The following GALNT17 variants were observed in gnomAD, a reference collection of about 807,000 sequenced individuals.
GALNT17 encodes the protein polypeptide N-acetylgalactosaminyltransferase 17, also known as UDP-GalNAc:polypeptide N-acetylgalactosaminyltransferase-like 3.
GALNT17 carries 29 observed loss-of-function variants against 63.7 expected under a neutral mutation model. That is an observed-to-expected ratio of 0.46 (90% CI 0.34 to 0.62). The LOEUF is 0.62. Among genes scored for constraint, GALNT17 ranks in the 20% least tolerant of loss-of-function variants. The probability of loss-of-function intolerance (pLI) is 0.01; values close to 1 mark genes in which losing one functional copy is unlikely to be tolerated. For synonymous variants in GALNT17, 305 were observed against 318.3 expected (o/e 0.96, Z 0.45); for missense variants, 603 against 799.6 (o/e 0.75, Z 2.97).
chr7:71,648,809 C>G (rs1790716604), intron 6 of GALNT17, among the ~76,000 whole-genome samples: 3 of 152,248 alleles, frequency 2.0e-5, no homozygotes, highest in Admixed American at 2.0e-4. Context: ...GAGACCTAGC[C>G]TCAATTGTGG....
chr7:71,254,876 C>T (rs1302159870), intron 1 of GALNT17, among the ~76,000 whole-genome samples: 5 of 152,226 alleles, frequency 3.3e-5, no homozygotes, highest in African/African-American at 1.2e-4. Context: ...TTCACTGAAT[C>T]ACATCTTGTT....
At chr7:71,683,078 A>G (rs918360963) in intron 9 of GALNT17, among the ~76,000 whole-genome samples, 2 of 152,110 alleles carry the variant, frequency 1.3e-5, no homozygotes, top group East Asian at 1.9e-4. Context: ...AGCTCCTGCC[A>G]TGGAGCTGAT....
At chr7:71,348,863 C>T (rs1054016012) in intron 2 of GALNT17, among the ~76,000 whole-genome samples, 1 of 152,152 alleles carries the variant, frequency 6.6e-6, no homozygotes, top group Non-Finnish European at 1.5e-5. Context: ...ATTATCCTGT[C>T]TGCCTAGTCC....
At chr7:71,513,810 T>C (rs556332083) in intron 5 of GALNT17, among the ~76,000 whole-genome samples, 3 of 152,262 alleles carry the variant, frequency 2.0e-5, no homozygotes, top group Admixed American at 1.3e-4. Context: ...CCTGGGACTG[T>C]GGGTTCAATG....
intron 5 of GALNT17, among the ~76,000 whole-genome samples, chr7:71,509,007 C>T (rs951055172): frequency 1.3e-5 from 2 of 152,182 alleles, no homozygotes; most frequent in Non-Finnish European, 2.9e-5. Context: ...CTTCCAGCCA[C>T]TCCACCATAA....
intron 5 of GALNT17, among the ~76,000 whole-genome samples, chr7:71,570,252 T>G (rs966389488): frequency 2.0e-5 from 3 of 152,140 alleles, no homozygotes; most frequent in Non-Finnish European, 4.4e-5. Context: ...CGTGCTCTCT[T>G]TGTCTCTCCT....
At chr7:71,215,785 C>A (rs1337659432) in intron 1 of GALNT17, among the ~76,000 whole-genome samples, 1 of 152,132 alleles carries the variant, frequency 6.6e-6, no homozygotes, top group African/African-American at 2.4e-5. Flanking sequence ...ACAAGGGCAG[C>A]GTTCTCAAAC....
chr7:71,658,416 G>C (rs1790860765), intron 6 of GALNT17, among the ~76,000 whole-genome samples: 1 of 152,184 alleles, frequency 6.6e-6, no homozygotes, highest in African/African-American at 2.4e-5. Context: ...CCAGACCCCA[G>C]AGTCTTGTGA....
chr7:71,563,020 C>T (rs188932812), intron 5 of GALNT17, among the ~76,000 whole-genome samples: 2 of 152,276 alleles, frequency 1.3e-5, no homozygotes, highest in East Asian at 1.9e-4. Context: ...GGCTGCCACC[C>T]TCTTCTCACT....
rs182332034 is a variant in GALNT17, at chr7:71,157,606, C to A, written c.238+24566C>A. On this transcript the variant is annotated intron_variant, in intron 1 of 10. Coordinates refer to ENST00000333538, the MANE Select transcript of GALNT17 (RefSeq NM_022479.3). ...TGGGGAGGCAGAGGTTGCAGCGAGC[C>A]GAGATTGCGCCACTGCTTTCCGGCC... 1.3e-4 allele frequency among the ~76,000 whole-genome samples: 20 copies of A among 151,814 alleles called. No individual in the cohort carries two copies. The East Asian group carries it at 3.7e-3, about 28-fold the overall frequency.
chr7:71,154,410 T>C (rs1788192978), intron 1 of GALNT17, among the ~76,000 whole-genome samples: 2 of 152,110 alleles, frequency 1.3e-5, no homozygotes, highest in Admixed American at 1.3e-4. Context: ...CGCAGATCCA[T>C]GAGGAAAATA....
chr7:71,171,764 A>C (rs1190062057), intron 1 of GALNT17, among the ~76,000 whole-genome samples: 2 of 152,180 alleles, frequency 1.3e-5, no homozygotes, highest in Non-Finnish European at 2.9e-5. Flanking sequence ...TCAGTCCTAG[A>C]GCTGCTGCTG....
chr7:71,603,328 A>G (rs1789995273), intron 6 of GALNT17, among the ~76,000 whole-genome samples: 1 of 151,548 alleles, frequency 6.6e-6, no homozygotes, highest in African/African-American at 2.4e-5. Flanking sequence ...GCTAGTGCAT[A>G]TACCAGGTAC....
rs565212227 is a variant in GALNT17, at chr7:71,151,630, A to G, written c.238+18590A>G. On this transcript the variant is annotated intron_variant, in intron 1 of 10. Coordinates refer to ENST00000333538, the MANE Select transcript of GALNT17 (RefSeq NM_022479.3). ...GCAAGACTCCATCTCAAAAAAAAGA[A>G]AAGAAAAAAAAAAAAAAGAAAATAG... 1.4e-3 allele frequency among the ~76,000 whole-genome samples: 188 copies of G among 134,728 alleles called. 2 individuals are homozygous for G. Among genetic ancestry groups the G allele is most frequent in the African/African-American group, 5.0e-3 (182 of 36,362 alleles). The allele number at this position is 134,728 out of a possible 152,430, so 88.4% of individuals were successfully genotyped here. A position where few individuals can be genotyped will look rare whatever the true frequency, so the allele number is the denominator to read the frequency against.
chr7:71,577,365 C>T (rs1045776855), intron 6 of GALNT17, among the ~76,000 whole-genome samples: 1 of 152,110 alleles, frequency 6.6e-6, no homozygotes, highest in Non-Finnish European at 1.5e-5. Flanking sequence ...GAAACTAAAA[C>T]AAAAGTTGAA....
intron 5 of GALNT17, among the ~76,000 whole-genome samples, chr7:71,567,360 A>G (rs1265972089): frequency 2.0e-5 from 3 of 152,238 alleles, no homozygotes; most frequent in Non-Finnish European, 4.4e-5. Context: ...ACCTCCCAGT[A>G]AGAAGGTGAA....
At chr7:71,575,739 C>G (rs2116887609) in intron 6 of GALNT17, among the ~76,000 whole-genome samples, 1 of 152,144 alleles carries the variant, frequency 6.6e-6, no homozygotes, top group African/African-American at 2.4e-5. Context: ...TCTAACTAGT[C>G]TTTGAAATTT....
intron 5 of GALNT17, among the ~76,000 whole-genome samples, chr7:71,439,870 GC>G (rs1787033844): frequency 6.6e-6 from 1 of 151,736 alleles, no homozygotes; most frequent in Non-Finnish European, 1.5e-5. Context: ...AAAGGGGTAG[GC>G]TCCAGCTCTT....
At chr7:71,593,525 AAGTGCT>A (rs1393449938) in intron 6 of GALNT17, among the ~76,000 whole-genome samples, 4 of 152,090 alleles carry the variant, frequency 2.6e-5, no homozygotes, top group Non-Finnish European at 5.9e-5. Context: ...TGGCCTCCCA[AAGTGCT>A]GGGATTACAG....
Sources: gnomAD v4.1 joint callset for allele counts (sites outside exome capture counted in the v4.1 genomes callset) on GRCh38, gnomAD v4.1.1 for gene constraint, MANE v1.5 for transcripts, NCBI Gene and HGNC (gene_info 2026-07-23, HGNC 2026-07-21) for gene names.